KIAA1671: variants seen among roughly 807,000 people sequenced by gnomAD.
The protein encoded by KIAA1671 is KIAA1671.
In KIAA1671, 52 loss-of-function variants were observed where a neutral mutation model predicts 131.2. The observed-to-expected ratio is 0.40, with a 90% CI of 0.32 to 0.50. The LOEUF is 0.50. KIAA1671 is among the 20% of genes least tolerant of loss of function. KIAA1671 has a pLI of 0.73. For synonymous variants in KIAA1671, 1,003 were observed against 961.6 expected, an observed-to-expected ratio of 1.04 and a Z score of -0.80; for missense variants, 2,360 against 2,364.2, an observed-to-expected ratio of 1.00 and a Z score of 0.04.
intron 5 of KIAA1671, among the ~76,000 whole-genome samples, chr22:25,043,488 A>G (rs1306344105): frequency 6.6e-6 from 1 of 152,196 alleles, no homozygotes; most frequent in East Asian, 1.9e-4. Flanking sequence ...TAATTACCCA[A>G]CTGGGCCATA....
rs199656000 is a variant in KIAA1671 at position 25,040,009 on chromosome 22, C to T, written c.2879C>T (p.Thr960Ile). 1.4e-5 allele frequency: 22 copies of T among 1,551,516 alleles called. No homozygotes were observed. The East Asian group carries it at 2.9e-4, about 21-fold the overall frequency. Residue 960 changes from threonine to isoleucine, a missense_variant, in exon 5 of 13, where the codon ACA becomes ATA. Around this residue, in one of 3 missense-constraint regions of KIAA1671, gnomAD observed 1,161 missense variants for 1,204.7 expected, o/e 0.96. Coordinates refer to ENST00000358431, the MANE Select transcript of KIAA1671 (RefSeq NM_001145206.2). ...RTLPPNVKFDTFSSLVPEDSP... is the reference protein window; with the variant it reads ...RTLPPNVKFDIFSSLVPEDSP... ...TTACCCCCCAACGTGAAATTTGATA[C>T]ATTCAGTTCTCTTGTCCCAGAGGAC...
At chr22:24,958,587 G>A (rs1316152273) in intron 1 of KIAA1671, among the ~76,000 whole-genome samples, 3 of 151,322 alleles carry the variant, frequency 2.0e-5, no homozygotes, top group Non-Finnish European at 4.4e-5. Context: ...GGAGGTGGAG[G>A]GTGTGGTGAC....
rs376571146 is a variant in KIAA1671, at chr22:25,118,649, T to C, written c.4531-52171T>C. On this transcript the variant is annotated intron_variant, in intron 6 of 12. Transcript: ENST00000358431. ...CACACACTCCCCACAGCTTACACTC[T>C]GGCCCCTCCCATCCAGTCCATTCTC... Among the ~76,000 whole-genome samples the C allele has an allele frequency of 1.4e-4, 22 of 152,170 alleles. No individual in the cohort carries two copies. The East Asian group carries it at 3.9e-3, about 27-fold the overall frequency.
Position 25,042,471 on chromosome 22 carries a change from T to TTG in KIAA1671, c.4395+947_4395+948insGT, listed in dbSNP as rs1926988601. Among the ~76,000 whole-genome samples the TTG allele has an allele frequency of 2.7e-5, 4 of 146,544 alleles. No homozygotes were observed. The South Asian group carries it at 9.0e-4, about 33-fold the overall frequency. The stretch of plus-strand genomic sequence containing the variant: ...GGTTCCAGCAGTCCCTTGTTTTTTT[T>TTG]TTTTTTTTTTTTTGAGACGGAGTCT... On this transcript the variant is annotated intron_variant, in intron 5 of 12. Transcript: ENST00000358431.
chr22:25,185,165 G>T (rs1934432430), intron 11 of KIAA1671, 46 bp downstream of exon 11: 4 of 1,506,834 alleles, frequency 2.7e-6, no homozygotes, highest in African/African-American at 1.4e-5. Context: ...CCAAACTCAG[G>T]CTATACTTCT....
intron 1 of KIAA1671, among the ~76,000 whole-genome samples, chr22:25,007,225 C>T (rs376835469): frequency 2.6e-5 from 4 of 152,120 alleles, no homozygotes; most frequent in South Asian, 2.1e-4. Flanking sequence ...CGGTGGCTCA[C>T]GTCTGTAATC....
chr22:25,086,486 C>T (rs1351185486), intron 6 of KIAA1671, among the ~76,000 whole-genome samples: 1 of 152,192 alleles, frequency 6.6e-6, no homozygotes, highest in Admixed American at 6.5e-5. Context: ...GTATCTCGTT[C>T]ATCTTTTCCC....
chr22:25,183,683 T>C (rs1322767024), intron 10 of KIAA1671, among the ~76,000 whole-genome samples: 2 of 151,790 alleles, frequency 1.3e-5, no homozygotes, highest in Non-Finnish European at 2.9e-5. Context: ...CCACCATGCC[T>C]GGCTAATTTT....
intron 6 of KIAA1671, among the ~76,000 whole-genome samples, chr22:25,081,358 G>A (rs1468404425): frequency 6.6e-6 from 1 of 152,214 alleles, no homozygotes; most frequent in African/African-American, 2.4e-5. Flanking sequence ...ACATTGAACA[G>A]GTGACTTCGT....
intron 6 of KIAA1671, among the ~76,000 whole-genome samples, chr22:25,160,281 T>G (rs1006990375): frequency 6.6e-6 from 1 of 152,240 alleles, no homozygotes; most frequent in African/African-American, 2.4e-5. Flanking sequence ...CTCAGCCACA[T>G]GCACACAGGT....
At chr22:25,168,829 G>A (rs1278143016) in intron 6 of KIAA1671, among the ~76,000 whole-genome samples, 1 of 152,184 alleles carries the variant, frequency 6.6e-6, no homozygotes, top group Non-Finnish European at 1.5e-5. Flanking sequence ...TGTGGGTATG[G>A]TATGTAGTAA....
At chr22:25,089,266 A>ATTTTTT (rs34941122) in intron 6 of KIAA1671, among the ~76,000 whole-genome samples, 1 of 89,274 alleles carries the variant, frequency 1.1e-5, no homozygotes, top group African/African-American at 4.9e-5. Context: ...TGTGTGTTTA[A>ATTTTTT]TTTTTTTTTT....
At chr22:25,116,916 A>T (rs977288934) in intron 6 of KIAA1671, among the ~76,000 whole-genome samples, 4 of 152,226 alleles carry the variant, frequency 2.6e-5, no homozygotes, top group African/African-American at 9.6e-5. Context: ...GTCTGTCTTT[A>T]ACCTCAAACT....
At chr22:25,058,248 A>G (rs1927959584) in intron 6 of KIAA1671, 2 of 152,166 alleles carry the variant, frequency 1.3e-5, no homozygotes, top group African/African-American at 2.4e-5. Context: ...AATTGGAATG[A>G]TGGTACAGAG....
At chr22:24,971,557 T>A (rs989886505) in intron 1 of KIAA1671, among the ~76,000 whole-genome samples, 1 of 152,196 alleles carries the variant, frequency 6.6e-6, no homozygotes, top group Non-Finnish European at 1.5e-5. Context: ...TCTGTTTTAG[T>A]TTCCCTGAAG....
intron 1 of KIAA1671, among the ~76,000 whole-genome samples, chr22:24,987,174 T>TTA (rs1441900710): frequency 2.9e-5 from 4 of 137,626 alleles, no homozygotes; most frequent in East Asian, 4.2e-4. Context: ...TATTATTATT[T>TTA]TTTTTTTTTT....
In KIAA1671 at chr22:25,093,757, TCTCTCTCTCTGTC is replaced by T. The variant is rs1568951109; in HGVS notation, c.4530+44394_4530+44406del. Among the ~76,000 whole-genome samples, 321 of 124,534 alleles carry T rather than the reference TCTCTCTCTCTGTC, an allele frequency of 2.6e-3. 13 individuals are homozygous for T. The highest frequency in any genetic ancestry group is 9.4e-3 in the African/African-American group (292 of 31,120). 81.7% of individuals were successfully genotyped at this position (124,534 alleles called of 152,430 possible). A position where few individuals can be genotyped will look rare whatever the true frequency, so the allele number is the denominator to read the frequency against. On this transcript the variant is annotated intron_variant, in intron 6 of 12. Coordinates refer to ENST00000358431, the MANE Select transcript of KIAA1671 (RefSeq NM_001145206.2). Reference sequence around the variant, plus strand: ...CACACACTCTCTCTCTCTCTCTCTCTCTCTCTCTCTGTCTCTCTCTCTCTCTCTCTCTCTCTCT... The same window carrying T: ...CACACACTCTCTCTCTCTCTCTCTCTTCTCTCTCTCTCTCTCTCTCTCTCT...
chr22:25,027,163 C>A (rs1042755264), intron 2 of KIAA1671, among the ~76,000 whole-genome samples: 21 of 141,970 alleles, frequency 1.5e-4, no homozygotes, highest in African/African-American at 5.6e-4. Context: ...AAAAGAACCA[C>A]AAAGCAAACA....
intron 6 of KIAA1671, among the ~76,000 whole-genome samples, chr22:25,118,936 G>A (rs1344845866): frequency 2.0e-5 from 3 of 152,058 alleles, no homozygotes; most frequent in Non-Finnish European, 4.4e-5. Flanking sequence ...GAGGCTTCCC[G>A]ACGTTCCAGG....
Sources: allele counts gnomAD v4.1 joint callset (sites outside exome capture counted in the v4.1 genomes callset), GRCh38; gene constraint gnomAD v4.1.1; regional missense constraint gnomAD v4.1.1; transcripts MANE v1.5; gene names NCBI Gene and HGNC (gene_info 2026-07-23, HGNC 2026-07-21).